Variants in GATAD2A observed in about 807,000 individuals in gnomAD.
GATAD2A encodes transcriptional repressor p66-alpha.
In GATAD2A, 12 loss-of-function variants were observed where a neutral mutation model predicts 68.5. The observed-to-expected ratio is 0.18, with a 90% CI of 0.11 to 0.28. The LOEUF (loss-of-function observed/expected upper bound fraction) is 0.28. Among genes scored for constraint, GATAD2A ranks in the 10% least tolerant of loss-of-function variants. The probability of loss-of-function intolerance (pLI) is 1.00; values close to 1 mark genes in which losing one functional copy is unlikely to be tolerated. For synonymous variants in GATAD2A, 410 were observed against 375.3 expected (o/e 1.09, Z -1.07); for missense variants, 755 against 868.5 (o/e 0.87, Z 1.64).
intron 1 of GATAD2A, among the ~76,000 whole-genome samples, chr19:19,433,403 T>A (rs141271081): frequency 6.6e-6 from 1 of 152,196 alleles, no homozygotes. Flanking sequence ...TTTTCCATGT[T>A]GTTTTCGTTA....
rs146753258 is a variant in GATAD2A, at chr19:19,492,465, G to A, written c.402+27G>A. The A allele has an allele frequency of 1.4e-4, 231 of 1,613,730 alleles. No individual in the cohort carries two copies. In the African/African-American group the frequency reaches 2.5e-3, roughly 17 times the overall value. On this transcript the variant is annotated intron_variant, in intron 3 of 11. Transcript: ENST00000683918. Reference sequence around the variant, plus strand: ...TGAGCCACGTGTTGGCGCTGCCGCCGGAGCCCCACTGTGCCCTTCCTACTC... The same window carrying A: ...TGAGCCACGTGTTGGCGCTGCCGCCAGAGCCCCACTGTGCCCTTCCTACTC...
chr19:19,421,842 A>G (rs934452575), intron 1 of GATAD2A, among the ~76,000 whole-genome samples: 2 of 151,028 alleles, frequency 1.3e-5, no homozygotes, highest in Non-Finnish European at 3.0e-5. Context: ...TTTTTGAGAC[A>G]GAGTCTCACT....
At chr19:19,391,213 G>A (rs2048822607) in intron 1 of GATAD2A, among the ~76,000 whole-genome samples, 1 of 152,208 alleles carries the variant, frequency 6.6e-6, no homozygotes, top group Non-Finnish European at 1.5e-5. Flanking sequence ...TAAAACCCAG[G>A]AGGAAATAAT....
chr19:19,470,004 C>G (rs1309903601), intron 2 of GATAD2A, among the ~76,000 whole-genome samples: 3 of 151,676 alleles, frequency 2.0e-5, no homozygotes, highest in Non-Finnish European at 4.4e-5. Context: ...TAAGTGACGC[C>G]CCTTAGATTC....
chr19:19,407,985 T>A (rs1169339476), intron 1 of GATAD2A, among the ~76,000 whole-genome samples: 5 of 152,218 alleles, frequency 3.3e-5, no homozygotes, highest in African/African-American at 1.2e-4. Context: ...ATGGAAAGAT[T>A]TGGATGCAGT....
intron 1 of GATAD2A, among the ~76,000 whole-genome samples, chr19:19,413,875 G>A (rs1277619654): frequency 1.3e-5 from 2 of 152,182 alleles, no homozygotes; most frequent in African/African-American, 4.8e-5. Context: ...GTAAACCACC[G>A]TGCCTGGCTG....
chr19:19,501,663 A>G (rs1397123381), intron 9 of GATAD2A, among the ~76,000 whole-genome samples: 2 of 152,236 alleles, frequency 1.3e-5, no homozygotes, highest in Non-Finnish European at 2.9e-5. Flanking sequence ...TGAGATACCA[A>G]AGGGGCGTTT....
rs1407375113 is a variant in GATAD2A at position 19,494,279 on chromosome 19, C to T, written c.535-15C>T. 5 of 1,554,450 alleles carry T rather than the reference C, an allele frequency of 3.2e-6. No homozygotes were observed. The Admixed American group carries it at 6.7e-5, about 21-fold the overall frequency. On this transcript the variant is annotated splice_polypyrimidine_tract_variant and intron_variant, in intron 4 of 11. Coordinates refer to ENST00000683918, the MANE Select transcript of GATAD2A (RefSeq NM_001384528.1). ...CCGGTGGCCCCTCACCTCCTGGTGT[C>T]CTGCTCTCTTGCAGCCCACAGGTTC... is the stretch of plus-strand genomic sequence containing the variant.
chr19:19,432,489 C>T (rs1170492347), intron 1 of GATAD2A, among the ~76,000 whole-genome samples: 2 of 151,912 alleles, frequency 1.3e-5, no homozygotes, highest in South Asian at 4.2e-4. Flanking sequence ...TTAGTAGAGA[C>T]GAGGTTTCGC....
chr19:19,504,043 C>A (rs1312607721), intron 11 of GATAD2A, among the ~76,000 whole-genome samples: 1 of 151,894 alleles, frequency 6.6e-6, no homozygotes, highest in African/African-American at 2.4e-5. Context: ...CTTGTGTCTA[C>A]AAAAAAATAA....
Position 19,390,101 on chromosome 19 carries a change from G to A in GATAD2A, c.-7+3963G>A, listed in dbSNP as rs193290845. 8.8e-4 allele frequency among the ~76,000 whole-genome samples: 134 copies of A among 152,322 alleles called. 3 individuals are homozygous for A. Among genetic ancestry groups the A allele is most frequent in the African/African-American group, 3.0e-3 (126 of 41,580 alleles). ...TAAAACCTATAGGACCAGCAGATGG[G>A]ATGTTAAAAAGGGAATGGACAACTT... On this transcript the variant is annotated intron_variant, in intron 1 of 11. Transcript: ENST00000360315.
At chr19:19,450,956 GAGACGGGGT>G in intron 1 of GATAD2A, among the ~76,000 whole-genome samples, 1 of 151,654 alleles carries the variant, frequency 6.6e-6, no homozygotes, top group East Asian at 2.0e-4. Flanking sequence ...ATTTTTAGTA[GAGACGGGGT>G]TTCACCATGT....
At chr19:19,388,058 CTT>C (rs1286116164) in intron 1 of GATAD2A, among the ~76,000 whole-genome samples, 2 of 121,190 alleles carry the variant, frequency 1.7e-5, no homozygotes, top group Non-Finnish European at 3.3e-5. Context: ...GCTTCTCCTC[CTT>C]TTTTTTTTTT....
At chr19:19,500,407 C>T (rs1849583016) in intron 8 of GATAD2A, among the ~76,000 whole-genome samples, 2 of 152,034 alleles carry the variant, frequency 1.3e-5, no homozygotes, top group South Asian at 4.2e-4. Flanking sequence ...AGTCCTCTGA[C>T]ATTGTCTGTG....
rs546144116 is a variant in GATAD2A, at chr19:19,452,530, C to T, written c.-6-12810C>T. ...GGCTTAGAGAATCCATGTCAGCCCC[C>T]AAGTCCAGGGAGCCCCAGTGTGAGC... On this transcript the variant is annotated intron_variant, in intron 1 of 11. Transcript: ENST00000683918. Among the ~76,000 whole-genome samples, 245 of 152,178 alleles carry T rather than the reference C, an allele frequency of 1.6e-3. 1 individual carries two copies. The highest frequency in any genetic ancestry group is 4.1e-3 in the Admixed American group (63 of 15,296).
intron 1 of GATAD2A, among the ~76,000 whole-genome samples, chr19:19,458,171 A>T (rs551214691): frequency 1.3e-5 from 2 of 152,322 alleles, no homozygotes; most frequent in South Asian, 4.1e-4. Context: ...AGTAGTAGAC[A>T]TCTGTTCTCC....
chr19:19,399,685 A>G (rs2049556063), intron 1 of GATAD2A, among the ~76,000 whole-genome samples: 1 of 152,168 alleles, frequency 6.6e-6, no homozygotes, highest in African/African-American at 2.4e-5. Flanking sequence ...AAGCTGTGAA[A>G]GAGAGAACAA....
intron 1 of GATAD2A, among the ~76,000 whole-genome samples, chr19:19,464,280 C>T (rs2057697432): frequency 6.6e-6 from 1 of 152,238 alleles, no homozygotes; most frequent in Non-Finnish European, 1.5e-5. Flanking sequence ...TCGGGAATTC[C>T]ACTAGAGCTC....
intron 1 of GATAD2A, chr19:19,440,090 G>A (rs2054828595): frequency 7.7e-6 from 3 of 389,688 alleles, no homozygotes; most frequent in East Asian, 1.1e-4. Context: ...GAGCCCCTGA[G>A]TGAAGGGAGG....
Sources: gnomAD v4.1 joint callset for allele counts (sites outside exome capture counted in the v4.1 genomes callset) on GRCh38, gnomAD v4.1.1 for gene constraint, MANE v1.5 for transcripts, NCBI Gene and HGNC (gene_info 2026-07-23, HGNC 2026-07-21) for gene names.